The following AR variants were observed in gnomAD, a reference collection of about 807,000 sequenced individuals.
AR encodes the protein androgen receptor, also known as dihydrotestosterone receptor.
A neutral mutation model predicts 53.9 loss-of-function variants in AR; 8 were observed. The ratio of observed to expected loss-of-function variants is 0.15; its 90% CI spans 0.09 to 0.27. The LOEUF is 0.27. Among genes scored for constraint, AR ranks in the 10% least tolerant of loss-of-function variants. AR has a pLI of 1.00. For missense variants in AR, 639 were observed against 742.5 expected (o/e 0.86, Z 1.62); for synonymous variants, 359 against 316.4 (o/e 1.13, Z -1.43).
intron 2 of AR, among the ~76,000 whole-genome samples, chrX:67,653,563 G>A (rs1926448140): frequency 1.8e-5 from 2 of 111,347 alleles, no homozygotes; most frequent in Non-Finnish European, 3.8e-5. Flanking sequence ...TGGGAGGCTT[G>A]TTTGGGGAAC....
intron 1 of AR, among the ~76,000 whole-genome samples, chrX:67,615,177 G>A (rs1022051823): frequency 7.2e-5 from 8 of 111,096 alleles, no homozygotes; most frequent in South Asian, 3.7e-4. Flanking sequence ...TTAAAAAATG[G>A]ATAAAATCTT....
At chrX:67,586,308 G>C (rs935458560) in intron 1 of AR, among the ~76,000 whole-genome samples, 13 of 111,606 alleles carry the variant, frequency 1.2e-4, no homozygotes, top group Non-Finnish European at 1.9e-4. Flanking sequence ...CAGTCACACA[G>C]AACTTCTTAC....
intron 2 of AR, among the ~76,000 whole-genome samples, chrX:67,661,163 A>G (rs1371678850): frequency 2.4e-4 from 27 of 111,466 alleles, no homozygotes; most frequent in Non-Finnish European, 4.3e-4. Flanking sequence ...CTGCAAACAG[A>G]GACAATTTGA....
chrX:67,597,484 T>A (rs1323180601), intron 1 of AR, among the ~76,000 whole-genome samples: 1 of 112,049 alleles, frequency 8.9e-6, no homozygotes, highest in African/African-American at 3.2e-5. Context: ...AGCATACTTA[T>A]AATCCTGGGA....
chrX:67,715,506 A>G (rs2147528620), intron 4 of AR, among the ~76,000 whole-genome samples: 1 of 111,388 alleles, frequency 9.0e-6, no homozygotes, highest in Admixed American at 9.6e-5. Context: ...CCAACCAAGC[A>G]GAACAATGTG....
chrX:67,650,068 A>G (rs1926260325), intron 2 of AR, among the ~76,000 whole-genome samples: 1 of 112,092 alleles, frequency 8.9e-6, no homozygotes, highest in African/African-American at 3.2e-5. Context: ...GAGGACACAA[A>G]CAAAAGGAGA....
chrX:67,672,641 A>G (rs1169603754), intron 2 of AR, among the ~76,000 whole-genome samples: 2 of 111,142 alleles, frequency 1.8e-5, no homozygotes, highest in Non-Finnish European at 3.8e-5. Context: ...AAAACTCTAC[A>G]TTTTAACTTC....
In AR at chrX:67,625,948, A is replaced by G. The variant is rs757950122; in HGVS notation, c.1617-17308A>G. On this transcript the variant is annotated intron_variant, in intron 1 of 7. Transcript: ENST00000374690. ...ATTTTATTAAAATTTTGTTGTGGGT[A>G]CAAAGTAGGTGTGTATATTTATGGG... Among the ~76,000 whole-genome samples, 17 of 111,284 alleles carry G rather than the reference A, an allele frequency of 1.5e-4. No homozygotes were observed. In the South Asian group the frequency reaches 3.8e-3, roughly 25 times the overall value.
At chrX:67,561,405 A>G (rs1461439633) in intron 1 of AR, among the ~76,000 whole-genome samples, 1 of 112,119 alleles carries the variant, frequency 8.9e-6, no homozygotes, top group Non-Finnish European at 1.9e-5. Flanking sequence ...TATTTTAGAG[A>G]CACAGTAAAA....
rs145911502 is a variant in AR, at chrX:67,729,079, G to A, written c.*5238G>A. 1,349 of 174,466 alleles carry A rather than the reference G, an allele frequency of 7.7e-3. 18 individuals carry two copies. The highest frequency in any genetic ancestry group is 0.037 in the African/African-American group (1,276 of 34,094). The allele number at this position is 174,466 out of a possible 1,213,427, so 14.4% of individuals were successfully genotyped here. ...TCCTGCATTGGAACCTGGAGCAAGCGCTCTATCTTTCACACAAATTCCCTC... is the reference window on the plus strand; with the variant it reads ...TCCTGCATTGGAACCTGGAGCAAGCACTCTATCTTTCACACAAATTCCCTC... On this transcript the variant is annotated 3_prime_UTR_variant, in exon 8 of 8. Coordinates refer to ENST00000374690, the MANE Select transcript of AR (RefSeq NM_000044.6).
chrX:67,589,989 C>A (rs1191260102), intron 1 of AR, among the ~76,000 whole-genome samples: 2 of 112,071 alleles, frequency 1.8e-5, no homozygotes, highest in African/African-American at 6.5e-5. Context: ...AGAAAGCTTT[C>A]TTTTGCCTCC....
intron 2 of AR, among the ~76,000 whole-genome samples, chrX:67,657,573 A>G (rs1404829762): frequency 1.8e-5 from 2 of 112,112 alleles, no homozygotes; most frequent in African/African-American, 6.5e-5. Context: ...TACTTTAAAC[A>G]CATTGAAAAC....
intron 1 of AR, among the ~76,000 whole-genome samples, chrX:67,594,036 C>A (rs1202733421): frequency 1.8e-5 from 2 of 111,845 alleles, no homozygotes; most frequent in African/African-American, 6.5e-5. Context: ...ATTCTGTCTC[C>A]CAGGCTGGAG....
At chrX:67,624,948 G>C (rs753760276) in intron 1 of AR, among the ~76,000 whole-genome samples, 99 of 84,246 alleles carry the variant, frequency 1.2e-3, no homozygotes, top group African/African-American at 4.5e-3. Context: ...AGAGGTAAAA[G>C]GCACCCATAT....
At chrX:67,683,965 G>A (rs949975573) in intron 2 of AR, among the ~76,000 whole-genome samples, 2 of 111,699 alleles carry the variant, frequency 1.8e-5, no homozygotes, top group Non-Finnish European at 3.8e-5. Flanking sequence ...ACTATTATGG[G>A]AGCCATATTC....
intron 3 of AR, among the ~76,000 whole-genome samples, chrX:67,690,357 T>C (rs767802598): frequency 8.9e-6 from 1 of 112,033 alleles, no homozygotes; most frequent in Non-Finnish European, 1.9e-5. Context: ...GATGTCGTTA[T>C]GGACGCTATG....
chrX:67,576,964 T>TTTAAACTG (rs1225680376), intron 1 of AR, among the ~76,000 whole-genome samples: 1 of 109,880 alleles, frequency 9.1e-6, no homozygotes, highest in Non-Finnish European at 1.9e-5. Flanking sequence ...AGCATACCCA[T>TTTAAACTG]TTAAACTGTA....
chrX:67,590,848 A>G (rs769599508), intron 1 of AR, among the ~76,000 whole-genome samples: 1 of 112,450 alleles, frequency 8.9e-6, no homozygotes, highest in South Asian at 3.6e-4. Context: ...GTGCTCCTGT[A>G]TTAAGTTCTG....
chrX:67,666,596 TA>T (rs1927275111), intron 2 of AR, among the ~76,000 whole-genome samples: 1 of 111,727 alleles, frequency 9.0e-6, no homozygotes, highest in Non-Finnish European at 1.9e-5. Context: ...TGCTGGGTCA[TA>T]TGATAGCTCT....
Sources: allele counts gnomAD v4.1 joint callset (sites outside exome capture counted in the v4.1 genomes callset), GRCh38; gene constraint gnomAD v4.1.1; transcripts MANE v1.5; gene names NCBI Gene and HGNC (gene_info 2026-07-23, HGNC 2026-07-21).